Variants in PCM1 observed in about 807,000 individuals in gnomAD.
PCM1 encodes pericentriolar material 1.
A neutral mutation model predicts 241.9 loss-of-function variants in PCM1; 157 were observed. The observed-to-expected ratio is 0.65, with a 90% CI of 0.57 to 0.74. PCM1 has a LOEUF of 0.74. Ranked by LOEUF, PCM1 falls within the 30% of genes least tolerant of loss-of-function variation. The pLI is 0.00. For missense variants in PCM1, 3,478 were observed against 2,360.1 expected, an observed-to-expected ratio of 1.47 and a Z score of -9.81; for synonymous variants, 1,085 against 784.9, an observed-to-expected ratio of 1.38 and a Z score of -6.39.
chr8:18,011,950 C>G (rs1405631361), intron 34 of PCM1, 123 bp downstream of exon 34: 1 of 837,520 alleles, frequency 1.2e-6, no homozygotes, highest in South Asian at 1.8e-5. Context: ...GAATGCAAGC[C>G]TCATTAATAT....
rs565335752 is a variant in PCM1, at chr8:18,028,145, G to A, written c.*483G>A. ...ACTAATGCCAGTGTTGCTGCTGTTG[G>A]GTCTGATGTTCTTCTTTTAGATACC... On this transcript the variant is annotated 3_prime_UTR_variant, in exon 39 of 39. Coordinates refer to ENST00000325083, the MANE Select transcript of PCM1 (RefSeq NM_006197.4). 5 of 197,260 alleles carry A rather than the reference G, an allele frequency of 2.5e-5. No individual in the cohort carries two copies. The South Asian group carries it at 9.6e-4, about 38-fold the overall frequency. The allele number at this position is 197,260 out of a possible 1,614,324, so 12.2% of individuals were successfully genotyped here. A position where few individuals can be genotyped will look rare whatever the true frequency, so the allele number is the denominator to read the frequency against.
At chr8:17,956,283 C>G (rs992876444) in intron 10 of PCM1, among the ~76,000 whole-genome samples, 5 of 152,110 alleles carry the variant, frequency 3.3e-5, no homozygotes, top group Non-Finnish European at 5.9e-5. Flanking sequence ...ACTTTTGATA[C>G]TTGAGAAACT....
rs550478463 is a variant in PCM1 at position 17,940,406 on chromosome 8, C to T, written c.783+545C>T. 3.3e-5 allele frequency among the ~76,000 whole-genome samples: 5 copies of T among 152,184 alleles called. No individual in the cohort carries two copies. In the East Asian group the frequency reaches 7.7e-4, roughly 24 times the overall value. ...ATTTTTGATCTTCAGTTTATAGAAA[C>T]ATTGTTTTTGTAGTTTGTTTTGTTA... is the stretch of plus-strand genomic sequence containing the variant. On this transcript the variant is annotated intron_variant, in intron 6 of 38. Transcript: ENST00000325083.
intron 21 of PCM1, among the ~76,000 whole-genome samples, chr8:17,967,609 A>C (rs937069399): frequency 1.3e-5 from 2 of 152,202 alleles, no homozygotes; most frequent in African/African-American, 4.8e-5. Flanking sequence ...TGCCCAGCCT[A>C]CGTTGTTCCT....
chr8:17,961,004 G>C (rs552470822), intron 15 of PCM1, among the ~76,000 whole-genome samples: 1 of 152,136 alleles, frequency 6.6e-6, no homozygotes, highest in East Asian at 1.9e-4. Context: ...ACTCATAACT[G>C]TTTATTATGT....
At chr8:18,014,111 A>C (rs79847677) in intron 35 of PCM1, 75 bp downstream of exon 35, 2 of 771,216 alleles carry the variant, frequency 2.6e-6, no homozygotes, top group African/African-American at 1.9e-5. Flanking sequence ...AAAAAAAAAA[A>C]CACACACAGA....
chr8:17,952,699 A>G (rs1563850465), intron 8 of PCM1, among the ~76,000 whole-genome samples: 2 of 152,170 alleles, frequency 1.3e-5, no homozygotes, highest in African/African-American at 2.4e-5. Flanking sequence ...ACCATTTTAT[A>G]TAAGGGATTT....
intron 1 of PCM1, among the ~76,000 whole-genome samples, chr8:17,924,106 C>T (rs1346055923): frequency 1.3e-5 from 2 of 152,060 alleles, no homozygotes; most frequent in African/African-American, 2.4e-5. Context: ...CCCTACCACC[C>T]CCGCCCCATA....
chr8:17,950,637 C>G lies in PCM1; in HGVS notation c.984C>G (p.Ser328Arg), dbSNP rs1184397726. Residue 328 changes from serine to arginine, a missense_variant, in exon 8 of 39, where the codon AGC (serine) becomes AGG (arginine). Coordinates refer to ENST00000325083, the MANE Select transcript of PCM1 (RefSeq NM_006197.4). Reference sequence around the variant, plus strand: ...CAGTTGTTGCAGAAACTGCAGGTAGCTTATCTGGCGTCAGTATCACATCTG... The same window carrying G: ...CAGTTGTTGCAGAAACTGCAGGTAGGTTATCTGGCGTCAGTATCACATCTG... ...DDSVVAETAG[S>R]LSGVSITSEL... 1.2e-6 allele frequency: 2 copies of G among 1,600,786 alleles called. No homozygotes were observed. The highest frequency in any genetic ancestry group is 1.7e-6 in the Non-Finnish European group (2 of 1,171,218).
intron 6 of PCM1, among the ~76,000 whole-genome samples, chr8:17,946,705 A>G (rs1004184920): frequency 6.6e-6 from 1 of 152,146 alleles, no homozygotes; most frequent in African/African-American, 2.4e-5. Flanking sequence ...TATGTTGGTC[A>G]GGCTGGTCTC....
At chr8:18,012,619 C>T (rs2092669689) in intron 34 of PCM1, among the ~76,000 whole-genome samples, 1 of 151,974 alleles carries the variant, frequency 6.6e-6, no homozygotes, top group Admixed American at 6.6e-5. Flanking sequence ...TGTGATGTGC[C>T]TTGTTGGGGT....
At chr8:18,018,593 A>G (rs1237364833) in intron 36 of PCM1, among the ~76,000 whole-genome samples, 1 of 152,000 alleles carries the variant, frequency 6.6e-6, no homozygotes, top group East Asian at 1.9e-4. Flanking sequence ...CGGGCGGATC[A>G]GGAGGTCAAG....
intron 7 of PCM1, among the ~76,000 whole-genome samples, chr8:17,947,964 A>T (rs551924997): frequency 5.9e-5 from 9 of 152,236 alleles, no homozygotes; most frequent in African/African-American, 2.2e-4. Context: ...ATTTCTTAGT[A>T]TTGAGTCTAA....
chr8:18,024,595 A>C (rs1440319972), intron 36 of PCM1, among the ~76,000 whole-genome samples: 1 of 152,214 alleles, frequency 6.6e-6, no homozygotes, highest in Non-Finnish European at 1.5e-5. Context: ...AAATTAAGTC[A>C]AAGGTAGATT....
intron 9 of PCM1, among the ~76,000 whole-genome samples, chr8:17,953,400 GAAT>G (rs1249489996): frequency 6.6e-6 from 1 of 152,142 alleles, no homozygotes; most frequent in Admixed American, 6.5e-5. Context: ...AAAAGGGAAA[GAAT>G]AAAGTTGGAC....
intron 6 of PCM1, among the ~76,000 whole-genome samples, chr8:17,941,736 C>T (rs866372406): frequency 2.0e-5 from 3 of 151,986 alleles, no homozygotes; most frequent in South Asian, 2.1e-4. Context: ...CAGACATTGA[C>T]GTTACTACAA....
chr8:18,004,126 T>G lies in PCM1; in HGVS notation c.4828-2137T>G, dbSNP rs534625886. Among the ~76,000 whole-genome samples the G allele has an allele frequency of 2.6e-5, 4 of 152,288 alleles. No homozygotes were observed. The East Asian group carries it at 7.7e-4, about 29-fold the overall frequency. ...GTTAGGAAATTGATTGTTTTTACTT[T>G]TTTGTGTCTGATTTGATGGAAGAAT... On this transcript the variant is annotated intron_variant, in intron 29 of 38. Coordinates refer to ENST00000325083, the MANE Select transcript of PCM1 (RefSeq NM_006197.4).
chr8:18,000,860 G>A (rs1334884284), intron 29 of PCM1, among the ~76,000 whole-genome samples: 1 of 152,064 alleles, frequency 6.6e-6, no homozygotes, highest in Non-Finnish European at 1.5e-5. Context: ...GCACCCGCCT[G>A]GGCCTCCCAA....
intron 36 of PCM1, among the ~76,000 whole-genome samples, chr8:18,021,321 C>G (rs990300560): frequency 6.6e-6 from 1 of 152,168 alleles, no homozygotes; most frequent in Admixed American, 6.5e-5. Context: ...AAATGGCTTA[C>G]AGCAGTGTGG....
Sources: allele counts gnomAD v4.1 joint callset (sites outside exome capture counted in the v4.1 genomes callset), GRCh38; gene constraint gnomAD v4.1.1; transcripts MANE v1.5; gene names NCBI Gene and HGNC (gene_info 2026-07-23, HGNC 2026-07-21).